The following CCDC85A variants were observed in gnomAD, a reference collection of about 807,000 sequenced individuals.
CCDC85A encodes the protein coiled-coil domain-containing protein 85A.
Under a neutral mutation model 50.2 loss-of-function variants are expected in CCDC85A, and 38 were observed. The observed-to-expected ratio is 0.76, with a 90% CI of 0.58 to 0.99. The LOEUF (loss-of-function observed/expected upper bound fraction) is 0.99, where lower values mean the gene tolerates loss of function less well. Among genes scored for constraint, CCDC85A ranks in the 50% least tolerant of loss-of-function variants. CCDC85A has a pLI of 0.00. For missense variants in CCDC85A, 820 were observed against 742.0 expected (o/e 1.11, Z -1.22); for synonymous variants, 366 against 301.4 (o/e 1.21, Z -2.22).
chr2:56,383,726 A>G (rs1401023759), intron 5 of CCDC85A: 1 of 985,042 alleles, frequency 1.0e-6, no homozygotes, highest in African/African-American at 1.7e-5. Flanking sequence ...CTACCACCTC[A>G]GGACTTAAAT....
intron 3 of CCDC85A, among the ~76,000 whole-genome samples, chr2:56,356,295 T>C (rs1675222235): frequency 6.6e-6 from 1 of 152,240 alleles, no homozygotes; most frequent in Non-Finnish European, 1.5e-5. Flanking sequence ...GGGGCCTTTA[T>C]CAACTTTGTA....
At chr2:56,202,015 A>G (rs1010948890) in intron 2 of CCDC85A, among the ~76,000 whole-genome samples, 4 of 152,190 alleles carry the variant, frequency 2.6e-5, no homozygotes, top group African/African-American at 9.7e-5. Flanking sequence ...GTGTCTAAAG[A>G]AGACATTTAT....
chr2:56,367,715 A>T (rs761153615), intron 3 of CCDC85A, among the ~76,000 whole-genome samples: 1 of 152,314 alleles, frequency 6.6e-6, no homozygotes, highest in South Asian at 2.1e-4. Flanking sequence ...CCCGCCCCCA[A>T]TGAGAACTGA....
chr2:56,299,803 T>A (rs1204059661), intron 2 of CCDC85A, among the ~76,000 whole-genome samples: 1 of 152,192 alleles, frequency 6.6e-6, no homozygotes, highest in Non-Finnish European at 1.5e-5. Context: ...CCTGCCACTG[T>A]CCTCAGGAAA....
intron 2 of CCDC85A, among the ~76,000 whole-genome samples, chr2:56,199,384 T>G (rs1241893021): frequency 6.6e-6 from 1 of 152,178 alleles, no homozygotes; most frequent in African/African-American, 2.4e-5. Context: ...AAGTCAAAGT[T>G]TGCCAAAGCT....
Position 56,192,746 on chromosome 2 carries a change from C to T in CCDC85A, c.546C>T (p.Gly182=). The change falls in exon 2 of 6, where the codon GGC becomes GGT. Residue 182 remains glycine, a synonymous_variant. Transcript: ENST00000407595. The surrounding 1 kb of genome is among the most constrained non-coding windows in gnomAD (Gnocchi z 4.7). ...LDEEKGAGCA[G]SRCSIDSQAS... ...AGGAGAAGGGTGCAGGCTGCGCAGG[C>T]AGCCGCTGCTCCATCGACAGCCAGG... 1 of 1,613,258 alleles carries T rather than the reference C, an allele frequency of 6.2e-7. No homozygotes were observed. The highest frequency in any genetic ancestry group is 8.5e-7 in the Non-Finnish European group (1 of 1,179,738).
chr2:56,301,798 A>C (rs566755696), intron 2 of CCDC85A, among the ~76,000 whole-genome samples: 15 of 152,250 alleles, frequency 9.9e-5, no homozygotes, highest in South Asian at 6.2e-4. Flanking sequence ...TCACATGCCA[A>C]AGCCTGTTGG....
intron 2 of CCDC85A, among the ~76,000 whole-genome samples, chr2:56,196,835 A>G (rs985619728): frequency 2.0e-5 from 3 of 152,112 alleles, no homozygotes; most frequent in Non-Finnish European, 4.4e-5. Context: ...AGAAGGAATA[A>G]ATAGACGAAG....
intron 2 of CCDC85A, among the ~76,000 whole-genome samples, chr2:56,217,031 C>G (rs1668078871): frequency 6.6e-6 from 1 of 151,852 alleles, no homozygotes; most frequent in African/African-American, 2.4e-5. Flanking sequence ...AGCAAAGTTG[C>G]CAATGTCAAA....
At chr2:56,205,453 A>G (rs147292352) in intron 2 of CCDC85A, among the ~76,000 whole-genome samples, 1,719 of 152,284 alleles carry the variant, frequency 0.011, 19 homozygotes, top group Non-Finnish European at 0.014. Flanking sequence ...ATCTATGGCA[A>G]TTTCATTATA....
In CCDC85A at chr2:56,268,971, G is replaced by T. The variant is rs575731392; in HGVS notation, c.1241-73908G>T. The stretch of plus-strand genomic sequence containing the variant: ...GCTGTCAAATTTGGAAAATTATCAA[G>T]TTTCTTTCACTGTAAGTATCTTTCT... On this transcript the variant is annotated intron_variant, in intron 2 of 5. Coordinates refer to ENST00000407595, the MANE Select transcript of CCDC85A (RefSeq NM_001080433.2). Among the ~76,000 whole-genome samples the T allele has an allele frequency of 2.0e-5, 3 of 152,206 alleles. No homozygotes were observed. The South Asian group carries it at 6.2e-4, about 32-fold the overall frequency.
At chr2:56,371,361 A>G (rs1676063474) in intron 3 of CCDC85A, among the ~76,000 whole-genome samples, 2 of 152,124 alleles carry the variant, frequency 1.3e-5, no homozygotes, top group African/African-American at 4.8e-5. Context: ...TTGGACCAGT[A>G]CTATTCAGAT....
intron 3 of CCDC85A, among the ~76,000 whole-genome samples, chr2:56,370,657 A>T (rs991315904): frequency 6.6e-6 from 1 of 152,122 alleles, no homozygotes; most frequent in Non-Finnish European, 1.5e-5. Context: ...GTTGGAAATT[A>T]TTGTGAGTTC....
At chr2:56,315,453 A>G (rs1672878804) in intron 2 of CCDC85A, among the ~76,000 whole-genome samples, 1 of 152,178 alleles carries the variant, frequency 6.6e-6, no homozygotes, top group African/African-American at 2.4e-5. Context: ...TTACTCATAT[A>G]GCAAATACTT....
intron 5 of CCDC85A, among the ~76,000 whole-genome samples, chr2:56,381,254 C>T (rs768678022): frequency 9.2e-5 from 14 of 151,742 alleles, no homozygotes; most frequent in Non-Finnish European, 1.9e-4. Context: ...AGCTTTTCAA[C>T]CTGTGCTTAA....
At chr2:56,234,859 T>C (rs1282486482) in intron 2 of CCDC85A, among the ~76,000 whole-genome samples, 1 of 152,232 alleles carries the variant, frequency 6.6e-6, no homozygotes, top group African/African-American at 2.4e-5. Context: ...TGTTGAATAA[T>C]AATTACCACA....
chr2:56,349,557 G>A (rs1674799716), intron 3 of CCDC85A, among the ~76,000 whole-genome samples: 1 of 152,014 alleles, frequency 6.6e-6, no homozygotes, highest in Admixed American at 6.5e-5. Flanking sequence ...CAAAATGAGG[G>A]GATTCATAAC....
At chr2:56,333,628 A>T (rs1195563744) in intron 2 of CCDC85A, among the ~76,000 whole-genome samples, 2 of 152,088 alleles carry the variant, frequency 1.3e-5, no homozygotes, top group African/African-American at 4.8e-5. Flanking sequence ...TGAAAATAGC[A>T]CTGGGGGAGG....
rs200615182 is a variant in CCDC85A at position 56,324,454 on chromosome 2, C to CA, written c.1241-18424dup. Among the ~76,000 whole-genome samples the CA allele has an allele frequency of 6.5e-3, 811 of 123,894 alleles. 4 individuals carry two copies. Among genetic ancestry groups the CA allele is most frequent in the African/African-American group, 0.03 (763 of 25,748 alleles). The allele number at this position is 123,894 out of a possible 152,430, so 81.3% of individuals were successfully genotyped here. Reference sequence around the variant, plus strand: ...TAATTATTAATTAAAGAAATACAAGCAGAGACACTCCTCTGGCCAGTCTCC... The same window carrying CA: ...TAATTATTAATTAAAGAAATACAAGCAAGAGACACTCCTCTGGCCAGTCTCC... On this transcript the variant is annotated intron_variant, in intron 2 of 5. Transcript: ENST00000407595.
Sources: allele counts gnomAD v4.1 joint callset (sites outside exome capture counted in the v4.1 genomes callset), GRCh38; gene constraint gnomAD v4.1.1; non-coding constraint Gnocchi (gnomAD v3.1); transcripts MANE v1.5; gene names NCBI Gene and HGNC (gene_info 2026-07-23, HGNC 2026-07-21).